The following LRRN1 variants were observed in gnomAD, a reference collection of about 807,000 sequenced individuals.
LRRN1 encodes the protein leucine-rich repeat neuronal protein 1.
A neutral mutation model predicts 45.8 loss-of-function variants in LRRN1; 14 were observed. The ratio of observed to expected loss-of-function variants is 0.31; its 90% CI spans 0.20 to 0.48. The LOEUF is 0.48. LRRN1 is among the 20% of genes least tolerant of loss of function. The pLI is 0.99. For missense variants in LRRN1, 789 were observed against 874.2 expected (o/e 0.90, Z 1.23); for synonymous variants, 359 against 330.1 (o/e 1.09, Z -0.95).
In LRRN1 at chr3:3,816,523, G is replaced by A. The variant is rs1055989027; in HGVS notation, c.-279+16604G>A. Among the ~76,000 whole-genome samples, 3 of 151,952 alleles carry A rather than the reference G, an allele frequency of 2.0e-5. No homozygotes were observed. The highest frequency in any genetic ancestry group is 2.0e-4 in the Admixed American group (3 of 15,230). On this transcript the variant is annotated intron_variant, in intron 1 of 1. Coordinates refer to ENST00000319331, the MANE Select transcript of LRRN1 (RefSeq NM_020873.7). The surrounding 1 kb of genome is among the most constrained non-coding windows in gnomAD (Gnocchi z 4.0). ...AGATTGGAAGAAAATAATTTAACCA[G>A]GGCTTTCAATTAAGAAAAAAAAATA...
intron 1 of LRRN1, among the ~76,000 whole-genome samples, chr3:3,840,149 C>T (rs758137377): frequency 6.6e-6 from 1 of 152,002 alleles, no homozygotes; most frequent in African/African-American, 2.4e-5. Context: ...AGGTACTTTC[C>T]TTCCATTCTT....
In LRRN1 at chr3:3,849,030, T is replaced by G. The variant is rs547320490; in HGVS notation, c.*2238T>G. ...TGAGGTGTTTCCCTTGAGGAATTCT[T>G]GTCTTCAAACGTCTGCAGAGTAATG... On this transcript the variant is annotated 3_prime_UTR_variant, in exon 2 of 2. Coordinates refer to ENST00000319331, the MANE Select transcript of LRRN1 (RefSeq NM_020873.7). Among the ~76,000 whole-genome samples the G allele has an allele frequency of 6.6e-6, 1 of 152,326 alleles. No homozygotes were observed. The highest frequency in any genetic ancestry group is 2.1e-4 in the South Asian group (1 of 4,826).
intron 1 of LRRN1, among the ~76,000 whole-genome samples, chr3:3,812,003 G>A (rs1038122349): frequency 2.6e-5 from 4 of 152,332 alleles, no homozygotes; most frequent in Non-Finnish European, 4.4e-5. Flanking sequence ...CTGTAGAATG[G>A]AGGAATAATG....
chr3:3,804,603 A>G (rs1327950025), intron 1 of LRRN1, among the ~76,000 whole-genome samples: 1 of 152,164 alleles, frequency 6.6e-6, no homozygotes, highest in Non-Finnish European at 1.5e-5. Context: ...TTTATTGCTC[A>G]GAGGTTAGAG....
In LRRN1 at chr3:3,824,807, C is replaced by G. The variant is rs374084030; in HGVS notation, c.-278-19557C>G. ...ACAAAGCAAAGCAATGTGGGATTGTCTATCTAGAGTGCAGGACAGGGTGCT... is the reference window on the plus strand; with the variant it reads ...ACAAAGCAAAGCAATGTGGGATTGTGTATCTAGAGTGCAGGACAGGGTGCT... On this transcript the variant is annotated intron_variant, in intron 1 of 1. Transcript: ENST00000319331. 2.0e-5 allele frequency among the ~76,000 whole-genome samples: 3 copies of G among 152,156 alleles called. No individual in the cohort carries two copies. The South Asian group carries it at 6.2e-4, about 32-fold the overall frequency.
chr3:3,802,221 C>T (rs994588492), intron 1 of LRRN1, among the ~76,000 whole-genome samples: 8 of 152,336 alleles, frequency 5.3e-5, no homozygotes, highest in Admixed American at 2.0e-4. Context: ...ACATTAGCTG[C>T]GTGACCACAC....
intron 1 of LRRN1, among the ~76,000 whole-genome samples, chr3:3,828,679 A>G (rs1015850798): frequency 6.6e-6 from 1 of 152,190 alleles, no homozygotes; most frequent in Non-Finnish European, 1.5e-5. Flanking sequence ...CCGGAAACAC[A>G]CTAATCCCCA....
intron 1 of LRRN1, among the ~76,000 whole-genome samples, 163 bp downstream of exon 1, chr3:3,800,082 A>G (rs1692612403): frequency 1.3e-5 from 2 of 151,764 alleles, no homozygotes; most frequent in Admixed American, 1.3e-4. Context: ...GAGCTGGGGA[A>G]AATGACGAAG....
chr3:3,823,669 GA>G (rs1325414038), intron 1 of LRRN1, among the ~76,000 whole-genome samples: 1 of 152,124 alleles, frequency 6.6e-6, no homozygotes, highest in East Asian at 1.9e-4. Context: ...AAAAGAGGGG[GA>G]AACCAGGGCT....
intron 1 of LRRN1, among the ~76,000 whole-genome samples, chr3:3,815,273 G>A (rs1053644187): frequency 1.3e-5 from 2 of 152,150 alleles, no homozygotes; most frequent in Non-Finnish European, 1.5e-5. Context: ...CCAATTTTAA[G>A]CTACCAGTGT....
Position 3,844,956 on chromosome 3 carries a change from C to A in LRRN1, c.315C>A (p.Asn105Lys), listed in dbSNP as rs1693729998. Residue 105 changes from asparagine (N) to lysine (K), a missense_variant, in exon 2 of 2, where the codon AAC becomes AAA. Asn to Lys is a moderately conservative substitution (Grantham distance 94, BLOSUM62 0). Transcript: ENST00000319331. ...FNLTELDFSQ[N>K]NFTNIKEVGL... ...TGACTGAACTAGATTTCTCCCAAAACAACTTTACTAACATTAAGGAGGTCG... is the reference window on the plus strand; with the variant it reads ...TGACTGAACTAGATTTCTCCCAAAAAAACTTTACTAACATTAAGGAGGTCG... 6.2e-7 allele frequency: 1 copy of A among 1,614,028 alleles called. No homozygotes were observed. Among genetic ancestry groups the A allele is most frequent in the Non-Finnish European group, 8.5e-7 (1 of 1,180,028 alleles).
rs1692985695 is a variant in LRRN1 at position 3,816,280 on chromosome 3, C to A, written c.-279+16361C>A. On this transcript the variant is annotated intron_variant, in intron 1 of 1. Coordinates refer to ENST00000319331, the MANE Select transcript of LRRN1 (RefSeq NM_020873.7). The surrounding 1 kb of genome is among the most constrained non-coding windows in gnomAD (Gnocchi z 4.0). Reference sequence around the variant, plus strand: ...TTATGGTTTCCAGGTCATCGATGATCTGAGCACTTTGAGTATTGGACCATT... The same window carrying A: ...TTATGGTTTCCAGGTCATCGATGATATGAGCACTTTGAGTATTGGACCATT... Among the ~76,000 whole-genome samples, 1 of 152,104 alleles carries A rather than the reference C, an allele frequency of 6.6e-6. No homozygotes were observed. The highest frequency in any genetic ancestry group is 1.5e-5 in the Non-Finnish European group (1 of 68,022).
At position 3,830,684 on chromosome 3, in the gene LRRN1, T is replaced by C. The variant is rs552623813; in HGVS notation, c.-278-13680T>C. Among the ~76,000 whole-genome samples the C allele has an allele frequency of 6.6e-5, 10 of 152,288 alleles. No individual in the cohort carries two copies. The East Asian group carries it at 1.9e-3, about 29-fold the overall frequency. On this transcript the variant is annotated intron_variant, in intron 1 of 1. Coordinates refer to ENST00000319331, the MANE Select transcript of LRRN1 (RefSeq NM_020873.7). Reference sequence around the variant, plus strand: ...CATGGGCATTTGAGCCACTTCCTTATGTAACTTACTTGTGCCTTCAGGACC... The same window carrying C: ...CATGGGCATTTGAGCCACTTCCTTACGTAACTTACTTGTGCCTTCAGGACC...
chr3:3,831,294 A>G (rs1399030445), intron 1 of LRRN1, among the ~76,000 whole-genome samples: 9 of 152,202 alleles, frequency 5.9e-5, no homozygotes, highest in African/African-American at 9.7e-5. Flanking sequence ...CCTTAGGAGT[A>G]TCTCACCAGG....
At chr3:3,818,838 G>A (rs1270428965) in intron 1 of LRRN1, among the ~76,000 whole-genome samples, 1 of 152,178 alleles carries the variant, frequency 6.6e-6, no homozygotes, top group African/African-American at 2.4e-5. Context: ...ACAGGCAACA[G>A]TAGAAAGCAA....
chr3:3,817,356 T>C (rs1693009932), intron 1 of LRRN1, among the ~76,000 whole-genome samples: 1 of 152,208 alleles, frequency 6.6e-6, no homozygotes, highest in Non-Finnish European at 1.5e-5. Flanking sequence ...CAGGGGCAGA[T>C]GGCGTTACTT....
At chr3:3,800,271 G>A (rs1354784596) in intron 1 of LRRN1, among the ~76,000 whole-genome samples, 2 of 152,166 alleles carry the variant, frequency 1.3e-5, no homozygotes, top group African/African-American at 4.8e-5. Context: ...GGAGGTGCCC[G>A]GGGACGGGGA....
rs1575306900 is a variant in LRRN1, at chr3:3,846,859, G to A, written c.*67G>A. On this transcript the variant is annotated 3_prime_UTR_variant, in exon 2 of 2. Transcript: ENST00000319331. This position sits in a 1 kb window ranked among gnomAD's most constrained non-coding sequence, Gnocchi z 5.7. The stretch of plus-strand genomic sequence containing the variant: ...CGTTTTTGCTTTATTCTGCAAAAGT[G>A]AACAAGTTGAAGACTTTTGTATTTT... 2 of 1,285,040 alleles carry A rather than the reference G, an allele frequency of 1.6e-6. No individual in the cohort carries two copies. The highest frequency in any genetic ancestry group is 1.5e-5 in the African/African-American group (1 of 66,470). The allele number at this position is 1,285,040 out of a possible 1,614,324, so 79.6% of individuals were successfully genotyped here. A position where few individuals can be genotyped will look rare whatever the true frequency, so the allele number is the denominator to read the frequency against.
rs770129930 is a variant in LRRN1 at position 3,848,766 on chromosome 3, G to A, written c.*1974G>A. Among the ~76,000 whole-genome samples, 5 of 152,140 alleles carry A rather than the reference G, an allele frequency of 3.3e-5. No individual in the cohort carries two copies. Among genetic ancestry groups the A allele is most frequent in the South Asian group, 4.1e-4 (2 of 4,826 alleles). On this transcript the variant is annotated 3_prime_UTR_variant, in exon 2 of 2. Transcript: ENST00000319331. Reference sequence around the variant, plus strand: ...CAGTTCGGACTCCTGCCAGTTCAGCGCTCTGCACTCCATTGATTGTTCTAG... The same window carrying A: ...CAGTTCGGACTCCTGCCAGTTCAGCACTCTGCACTCCATTGATTGTTCTAG...
Sources: gnomAD v4.1 joint callset for allele counts (sites outside exome capture counted in the v4.1 genomes callset) on GRCh38, gnomAD v4.1.1 for gene constraint, Gnocchi (gnomAD v3.1) non-coding constraint, MANE v1.5 for transcripts, NCBI Gene and HGNC (gene_info 2026-07-23, HGNC 2026-07-21) for gene names.